SRGAP1: variants seen among roughly 807,000 people sequenced by gnomAD.
SRGAP1 encodes the protein SLIT-ROBO Rho GTPase-activating protein 1.
A neutral mutation model predicts 121.9 loss-of-function variants in SRGAP1; 43 were observed. The ratio of observed to expected loss-of-function variants is 0.35; its 90% CI spans 0.28 to 0.46. The LOEUF (loss-of-function observed/expected upper bound fraction) is 0.46. Ranked by LOEUF, SRGAP1 falls within the 20% of genes least tolerant of loss-of-function variation. The pLI is 1.00. For missense variants in SRGAP1, 1,102 were observed against 1,350.9 expected, an observed-to-expected ratio of 0.82 and a Z score of 2.89; for synonymous variants, 447 against 485.4, an observed-to-expected ratio of 0.92 and a Z score of 1.04.
chr12:64,066,250 T>C (rs1012218585), intron 8 of SRGAP1, among the ~76,000 whole-genome samples: 1 of 152,216 alleles, frequency 6.6e-6, no homozygotes, highest in African/African-American at 2.4e-5. Context: ...CTTTTAAAGC[T>C]TTCCATCCCA....
rs2032178442 is a variant in SRGAP1, at chr12:63,949,087, C to CCATATATGTATTTTCCATATATGTACATT, written c.68-34838_68-34837insGTACATTCATATATGTATTTTCCATATAT. Among the ~76,000 whole-genome samples the CCATATATGTATTTTCCATATATGTACATT allele has an allele frequency of 4.3e-4, 39 of 90,862 alleles. 1 individual carries two copies. The highest frequency in any genetic ancestry group is 2.3e-3 in the Admixed American group (18 of 7,712). The allele number at this position is 90,862 out of a possible 152,430, so 59.6% of individuals were successfully genotyped here. ...TATGTATTTTCCATATATGTATTTTCCATATATGTATTTTCCATATATATA... is the reference window on the plus strand; with the variant it reads ...TATGTATTTTCCATATATGTATTTTCCATATATGTATTTTCCATATATGTACATTCATATATGTATTTTCCATATATATA... On this transcript the variant is annotated intron_variant, in intron 1 of 21. Coordinates refer to ENST00000355086, the MANE Select transcript of SRGAP1 (RefSeq NM_020762.4).
In SRGAP1 at chr12:64,150,874, G is replaced by T. The variant is rs977010017; in HGVS notation, c.*8202G>T. On this transcript the variant is annotated 3_prime_UTR_variant, in exon 22 of 22. Transcript: ENST00000355086. ...TGCTTGAGCCCAGATGTTTGAGGCTGCAATAAGCTATGATTGCACCACTGC... is the reference window on the plus strand; with the variant it reads ...TGCTTGAGCCCAGATGTTTGAGGCTTCAATAAGCTATGATTGCACCACTGC... 7.3e-6 allele frequency: 1 copy of T among 137,744 alleles called. No individual in the cohort carries two copies. Among genetic ancestry groups the T allele is most frequent in the Non-Finnish European group, 1.5e-5 (1 of 65,516 alleles). The allele number at this position is 137,744 out of a possible 1,614,324, so 8.5% of individuals were successfully genotyped here.
intron 15 of SRGAP1, among the ~76,000 whole-genome samples, chr12:64,098,772 C>T (rs1451051193): frequency 6.6e-6 from 1 of 152,222 alleles, no homozygotes; most frequent in Non-Finnish European, 1.5e-5. Flanking sequence ...ACAGCCCTCT[C>T]CTGCTACCCT....
intron 4 of SRGAP1, among the ~76,000 whole-genome samples, chr12:64,020,510 T>A (rs2034516339): frequency 6.6e-6 from 1 of 152,136 alleles, no homozygotes; most frequent in Non-Finnish European, 1.5e-5. Flanking sequence ...CTATTTGAAT[T>A]CTTAGGCCAC....
chr12:64,146,184 C>T lies in SRGAP1; in HGVS notation c.*3512C>T, dbSNP rs1423794190. The stretch of plus-strand genomic sequence containing the variant: ...GCTCCATGTTCACGTTCAGTGTCAA[C>T]ACCATTCAACAGCTTTGCACATCTT... On this transcript the variant is annotated 3_prime_UTR_variant, in exon 22 of 22. Transcript: ENST00000355086. 3.3e-5 allele frequency: 5 copies of T among 152,186 alleles called. No individual in the cohort carries two copies. Among genetic ancestry groups the T allele is most frequent in the African/African-American group, 1.2e-4 (5 of 41,440 alleles). 9.4% of individuals were successfully genotyped at this position (152,186 alleles called of 1,614,324 possible).
At chr12:64,065,262 A>G (rs771192590) in intron 8 of SRGAP1, 43 bp downstream of exon 8, 33 of 1,467,348 alleles carry the variant, frequency 2.2e-5, no homozygotes, top group Non-Finnish European at 2.5e-5. Context: ...TCTGAATTCA[A>G]ATATAACTGG....
chr12:64,091,413 A>G (rs1459966269), intron 12 of SRGAP1, 35 bp downstream of exon 12: 1 of 1,492,650 alleles, frequency 6.7e-7, no homozygotes, highest in Non-Finnish European at 9.3e-7. Context: ...GCTGATCTCC[A>G]TGCTTCTTAC....
intron 3 of SRGAP1, 136 bp downstream of exon 3, chr12:63,990,208 A>G (rs2033516210): frequency 4.2e-6 from 3 of 707,646 alleles, no homozygotes; most frequent in East Asian, 5.5e-5. Flanking sequence ...TAAAAATTAG[A>G]TGAATGGATG....
intron 1 of SRGAP1, among the ~76,000 whole-genome samples, chr12:63,981,942 G>A (rs1286584566): frequency 6.6e-6 from 1 of 151,610 alleles, no homozygotes; most frequent in African/African-American, 2.4e-5. Flanking sequence ...GGCCGGGCGC[G>A]GTGGCTCACG....
At chr12:63,918,118 G>A (rs183827725) in intron 1 of SRGAP1, among the ~76,000 whole-genome samples, 2 of 152,244 alleles carry the variant, frequency 1.3e-5, no homozygotes, top group African/African-American at 2.4e-5. Flanking sequence ...GTAAAACTGC[G>A]TAAAGAATGC....
At chr12:64,118,282 G>A (rs941201476) in intron 18 of SRGAP1, among the ~76,000 whole-genome samples, 3 of 151,908 alleles carry the variant, frequency 2.0e-5, no homozygotes, top group Admixed American at 6.6e-5. Context: ...TTTGTTTTTT[G>A]TTTTTGAGAC....
intron 21 of SRGAP1, among the ~76,000 whole-genome samples, chr12:64,136,974 T>C (rs922927861): frequency 2.0e-5 from 3 of 152,066 alleles, no homozygotes; most frequent in Non-Finnish European, 2.9e-5. Context: ...TTGTAAATTA[T>C]AAAAACAGGC....
At chr12:63,869,225 C>G (rs1002357602) in intron 1 of SRGAP1, among the ~76,000 whole-genome samples, 1 of 152,126 alleles carries the variant, frequency 6.6e-6, no homozygotes, top group African/African-American at 2.4e-5. Flanking sequence ...CTGATGAGGG[C>G]CTTCTTGCTA....
chr12:64,020,694 T>C (rs1449068540), intron 4 of SRGAP1, among the ~76,000 whole-genome samples: 2 of 151,744 alleles, frequency 1.3e-5, no homozygotes, highest in African/African-American at 4.8e-5. Context: ...AATACAAAAA[T>C]TAGCCAGGCG....
At chr12:63,900,205 T>TTTTTCTTTTTCTTTTTTTTC (rs1900897339) in intron 1 of SRGAP1, among the ~76,000 whole-genome samples, 2 of 92,090 alleles carry the variant, frequency 2.2e-5, no homozygotes, top group East Asian at 6.2e-4. Context: ...TTTCTTTTTC[T>TTTTTCTTTTTCTTTTTTTTC]TTTTTTTTTT....
chr12:63,884,395 T>C (rs2136289605), intron 1 of SRGAP1, among the ~76,000 whole-genome samples: 1 of 152,332 alleles, frequency 6.6e-6, no homozygotes, highest in Middle Eastern at 3.4e-3. Context: ...AAATTTTGTA[T>C]ATTTTTAAAT....
At chr12:63,923,447 C>T (rs1010594141) in intron 1 of SRGAP1, among the ~76,000 whole-genome samples, 2 of 152,108 alleles carry the variant, frequency 1.3e-5, no homozygotes, top group Admixed American at 6.5e-5. Flanking sequence ...GGAAATCAAT[C>T]TGTTGTAATT....
chr12:64,138,842 A>C (rs2036907181), intron 21 of SRGAP1, among the ~76,000 whole-genome samples: 1 of 152,176 alleles, frequency 6.6e-6, no homozygotes, highest in Non-Finnish European at 1.5e-5. Context: ...GAGAGTATTC[A>C]GTTAATTGAG....
intron 10 of SRGAP1, among the ~76,000 whole-genome samples, chr12:64,086,722 G>GAAAA (rs3057149): frequency 2.7e-4 from 33 of 120,250 alleles, no homozygotes; most frequent in African/African-American, 8.5e-4. Flanking sequence ...TTTCTTTTCT[G>GAAAA]AAAAAAAAAA....
Sources: allele counts gnomAD v4.1 joint callset (sites outside exome capture counted in the v4.1 genomes callset), GRCh38; gene constraint gnomAD v4.1.1; transcripts MANE v1.5; gene names NCBI Gene and HGNC (gene_info 2026-07-23, HGNC 2026-07-21).